The following CTIF variants were observed in gnomAD, a reference collection of about 807,000 sequenced individuals.
CTIF encodes cap binding complex dependent translation initiation factor.
A neutral mutation model predicts 66.0 loss-of-function variants in CTIF; 21 were observed. The ratio of observed to expected loss-of-function variants is 0.32; its 90% CI spans 0.23 to 0.46. The LOEUF (loss-of-function observed/expected upper bound fraction) is 0.46, where lower values mean the gene tolerates loss of function less well. CTIF is among the 20% of genes least tolerant of loss of function. CTIF has a pLI of 1.00. For missense variants in CTIF, 739 were observed against 812.7 expected, an observed-to-expected ratio of 0.91 and a Z score of 1.10; for synonymous variants, 345 against 326.4, an observed-to-expected ratio of 1.06 and a Z score of -0.62.
At chr18:48,558,329 A>G (rs2089069845) in intron 1 of CTIF, among the ~76,000 whole-genome samples, 1 of 152,250 alleles carries the variant, frequency 6.6e-6, no homozygotes, top group Admixed American at 6.5e-5. Flanking sequence ...TGAGTTTAAT[A>G]AAAAGTCAGT....
In CTIF at chr18:48,747,751, T is replaced by TTA. The variant is rs1331183735; in HGVS notation, c.585-10168_585-10167insTA. ...GCAAAACTCCTGTCTCTACAAAAAT[T>TTA]AAAAAAAAAAAAAAAAATTAGCCAG... On this transcript the variant is annotated intron_variant, in intron 7 of 11. Transcript: ENST00000256413. Among the ~76,000 whole-genome samples, 14 of 141,554 alleles carry TTA rather than the reference T, an allele frequency of 9.9e-5. No individual in the cohort carries two copies. In the East Asian group the frequency reaches 2.0e-3, roughly 21 times the overall value. 92.9% of individuals were successfully genotyped at this position (141,554 alleles called of 152,430 possible). A position where few individuals can be genotyped will look rare whatever the true frequency, so the allele number is the denominator to read the frequency against.
At chr18:48,706,157 C>G (rs2092151460) in intron 6 of CTIF, among the ~76,000 whole-genome samples, 1 of 152,148 alleles carries the variant, frequency 6.6e-6, no homozygotes, top group Non-Finnish European at 1.5e-5. Flanking sequence ...TCCCCTTGCC[C>G]TGTTGTGTTT....
In CTIF at chr18:48,661,644, G is replaced by A. The variant is rs569343274; in HGVS notation, c.253-2108G>A. Among the ~76,000 whole-genome samples, 59 of 152,308 alleles carry A rather than the reference G, an allele frequency of 3.9e-4. 1 individual carries two copies. Among genetic ancestry groups the A allele is most frequent in the African/African-American group, 1.4e-3 (59 of 41,576 alleles). On this transcript the variant is annotated intron_variant, in intron 3 of 11. Coordinates refer to ENST00000256413, the MANE Select transcript of CTIF (RefSeq NM_014772.3). Reference sequence around the variant, plus strand: ...TGAGGCAACTCGAAGAAAAGGGAGAGAGGACGATCCTAGAACATTAGGGGC... The same window carrying A: ...TGAGGCAACTCGAAGAAAAGGGAGAAAGGACGATCCTAGAACATTAGGGGC...
chr18:48,591,872 T>G (rs1297371775), intron 1 of CTIF, among the ~76,000 whole-genome samples: 4 of 152,210 alleles, frequency 2.6e-5, no homozygotes, highest in Non-Finnish European at 4.4e-5. Flanking sequence ...CTCAGCCTCC[T>G]AAGCAGCTGG....
rs2092457560 is a variant in CTIF, at chr18:48,731,633, A to G, written c.584+19938A>G. ...ATGGATGGGATTTCTTCAAAGTCTT[A>G]TATGGAAATTATCCATATAAACCAC... is the stretch of plus-strand genomic sequence containing the variant. On this transcript the variant is annotated intron_variant, in intron 7 of 11. Coordinates refer to ENST00000256413, the MANE Select transcript of CTIF (RefSeq NM_014772.3). Among the ~76,000 whole-genome samples the G allele has an allele frequency of 2.0e-5, 3 of 152,224 alleles. No homozygotes were observed. In the South Asian group the frequency reaches 6.2e-4, roughly 32 times the overall value.
intron 7 of CTIF, among the ~76,000 whole-genome samples, chr18:48,712,478 G>A (rs1344816870): frequency 6.6e-6 from 1 of 152,212 alleles, no homozygotes; most frequent in African/African-American, 2.4e-5. Flanking sequence ...TTATGCAAAA[G>A]GGGGAGTTAG....
intron 6 of CTIF, among the ~76,000 whole-genome samples, chr18:48,709,539 G>T (rs1190739325): frequency 6.6e-6 from 1 of 152,224 alleles, no homozygotes; most frequent in East Asian, 1.9e-4. Flanking sequence ...CCCTCTGCCC[G>T]GCCTCAGAGC....
At chr18:48,631,194 G>A (rs935163704) in intron 2 of CTIF, among the ~76,000 whole-genome samples, 2 of 152,200 alleles carry the variant, frequency 1.3e-5, no homozygotes, top group African/African-American at 2.4e-5. Context: ...GCCGGGTGTG[G>A]TGGCTCCCAC....
chr18:48,699,154 C>T (rs2092048289), intron 6 of CTIF, among the ~76,000 whole-genome samples: 1 of 151,290 alleles, frequency 6.6e-6, no homozygotes, highest in Admixed American at 6.6e-5. Flanking sequence ...TGCCCGACGG[C>T]CCCAGCAGGC....
At chr18:48,542,942 G>T (rs1206323108) in intron 1 of CTIF, among the ~76,000 whole-genome samples, 1 of 152,226 alleles carries the variant, frequency 6.6e-6, no homozygotes, top group Admixed American at 6.5e-5. Flanking sequence ...GTTCTCCGTG[G>T]TCCCGCCCCA....
chr18:48,771,680 C>T (rs909471305), intron 9 of CTIF, among the ~76,000 whole-genome samples: 14 of 152,194 alleles, frequency 9.2e-5, no homozygotes, highest in South Asian at 6.2e-4. Flanking sequence ...AAGGCCAGCT[C>T]GGGTGTCCCA....
At chr18:48,795,028 T>G (rs2041861674) in intron 9 of CTIF, among the ~76,000 whole-genome samples, 1 of 152,154 alleles carries the variant, frequency 6.6e-6, no homozygotes, top group South Asian at 2.1e-4. Flanking sequence ...ATGCAGAACA[T>G]GGCAATCCTA....
intron 9 of CTIF, among the ~76,000 whole-genome samples, chr18:48,765,289 A>G (rs1202807117): frequency 6.6e-6 from 1 of 150,764 alleles, no homozygotes; most frequent in Non-Finnish European, 1.5e-5. Flanking sequence ...AGCTCCATCC[A>G]CTCAAGGCCC....
chr18:48,669,383 C>T (rs556753865), intron 5 of CTIF, among the ~76,000 whole-genome samples: 1 of 152,182 alleles, frequency 6.6e-6, no homozygotes, highest in East Asian at 1.9e-4. Context: ...TACTATGCAC[C>T]GGCCATGCTC....
chr18:48,661,469 G>T (rs963163173), intron 3 of CTIF, among the ~76,000 whole-genome samples: 5 of 152,160 alleles, frequency 3.3e-5, no homozygotes, highest in African/African-American at 7.2e-5. Context: ...GGCCCAGGAG[G>T]GGGGTGTGAA....
Position 48,633,358 on chromosome 18 carries a change from A to G in CTIF, c.181-3256A>G, listed in dbSNP as rs1364683690. Among the ~76,000 whole-genome samples, 4 of 152,180 alleles carry G rather than the reference A, an allele frequency of 2.6e-5. No homozygotes were observed. In the East Asian group the frequency reaches 7.7e-4, roughly 29 times the overall value. On this transcript the variant is annotated intron_variant, in intron 2 of 11. Transcript: ENST00000256413. ...AGTTACAGTACTTTAAACATTATAC[A>G]TACGTATGTATATACATATACATAT...
chr18:48,655,261 C>T (rs1012545997), intron 3 of CTIF, among the ~76,000 whole-genome samples: 1 of 142,308 alleles, frequency 7.0e-6, no homozygotes, highest in South Asian at 2.2e-4. Flanking sequence ...GCTGAGATCA[C>T]ACCACTGCAC....
intron 7 of CTIF, among the ~76,000 whole-genome samples, chr18:48,723,268 G>A (rs2092357379): frequency 6.6e-6 from 1 of 152,112 alleles, no homozygotes; most frequent in East Asian, 1.9e-4. Flanking sequence ...AGACGGCATG[G>A]TCCTCTTTGG....
At chr18:48,776,930 C>T (rs536977936) in intron 9 of CTIF, among the ~76,000 whole-genome samples, 3 of 152,334 alleles carry the variant, frequency 2.0e-5, no homozygotes, top group South Asian at 4.1e-4. Context: ...GCTGGGCGAC[C>T]TCAGGCCAGG....
Sources: gnomAD v4.1 joint callset for allele counts (sites outside exome capture counted in the v4.1 genomes callset) on GRCh38, gnomAD v4.1.1 for gene constraint, MANE v1.5 for transcripts, NCBI Gene and HGNC (gene_info 2026-07-23, HGNC 2026-07-21) for gene names.